ACTR3C: variants seen among roughly 807,000 people sequenced by gnomAD.
ACTR3C encodes actin-related protein 3C.
A neutral mutation model predicts 26.3 loss-of-function variants in ACTR3C; 18 were observed. The observed-to-expected ratio is 0.68, with a 90% CI of 0.47 to 1.01. The LOEUF is 1.01. Ranked by LOEUF, ACTR3C falls within the 50% of genes least tolerant of loss-of-function variation. ACTR3C has a pLI of 0.00. For missense variants in ACTR3C, 184 were observed against 250.7 expected, an observed-to-expected ratio of 0.73 and a Z score of 1.80; for synonymous variants, 55 against 94.5, an observed-to-expected ratio of 0.58 and a Z score of 2.42.
At chr7:150,127,527 C>T in the ACTR3C span, among the ~76,000 whole-genome samples, 2 of 151,674 alleles carry the variant, frequency 1.3e-5, no homozygotes, top group African/African-American at 2.4e-5. Flanking sequence ...TCTGCAGCAG[C>T]GTTTAATTCT....
chr7:150,208,296 G>A, the ACTR3C span, among the ~76,000 whole-genome samples: 1 of 152,150 alleles, frequency 6.6e-6, no homozygotes, highest in African/African-American at 2.4e-5. Flanking sequence ...AAGCAACACG[G>A]AAAGAGAGCT....
At position 150,274,211 on chromosome 7, in the gene ACTR3C, T is replaced by C. The variant is rs568640951; in HGVS notation, c.564+10542A>G. On this transcript the variant is annotated intron_variant, in intron 6 of 7. Coordinates refer to ENST00000683684, the MANE Select transcript of ACTR3C (RefSeq NM_001164458.2). The surrounding 1 kb of genome is among the most constrained non-coding windows in gnomAD (Gnocchi z 4.1). ...GTGGTCAGGACGCCTCACTAGAAGA[T>C]GGCATTTATTGCACTTCGCCCATAA... Among the ~76,000 whole-genome samples the C allele has an allele frequency of 1.6e-4, 24 of 152,252 alleles. No homozygotes were observed. The highest frequency in any genetic ancestry group is 1.2e-3 in the East Asian group (6 of 5,170).
At chr7:150,117,187 GT>G in the ACTR3C span, among the ~76,000 whole-genome samples, 1 of 152,164 alleles carries the variant, frequency 6.6e-6, no homozygotes, top group African/African-American at 2.4e-5. Context: ...AGCTGGAGGA[GT>G]TTTTTATCAT....
the ACTR3C span, among the ~76,000 whole-genome samples, chr7:149,904,975 G>A: frequency 0.46 from 69,529 of 151,370 alleles, 18,712 homozygotes; most frequent in South Asian, 0.73. Context: ...GCAATGAGCC[G>A]AGATCATGCC....
Position 150,279,046 on chromosome 7 carries a change from T to C in ACTR3C, c.564+5707A>G, listed in dbSNP as rs188430045. Among the ~76,000 whole-genome samples the C allele has an allele frequency of 2.2e-4, 34 of 152,338 alleles. No individual in the cohort carries two copies. In the East Asian group the frequency reaches 6.0e-3, roughly 27 times the overall value. On this transcript the variant is annotated intron_variant, in intron 6 of 7. Coordinates refer to ENST00000683684, the MANE Select transcript of ACTR3C (RefSeq NM_001164458.2). ...TAGAGCCGGCGCAGTGGTTCACGCC[T>C]ATAATCCCAGTGCTTTGGGGCTGAG...
At chr7:149,957,550 C>T in the ACTR3C span, among the ~76,000 whole-genome samples, 6 of 152,180 alleles carry the variant, frequency 3.9e-5, no homozygotes, top group Non-Finnish European at 8.8e-5. Context: ...GGCTCTCTGG[C>T]TTTTGGACTC....
chr7:150,040,827 G>A, the ACTR3C span, among the ~76,000 whole-genome samples: 1 of 147,522 alleles, frequency 6.8e-6, no homozygotes, highest in Non-Finnish European at 1.5e-5. Context: ...CTGTGATGGG[G>A]GTCACAAGAG....
chr7:149,896,015 T>A, the ACTR3C span, among the ~76,000 whole-genome samples: 3 of 109,398 alleles, frequency 2.7e-5, no homozygotes, highest in African/African-American at 3.8e-5. Flanking sequence ...CTGGGCAACA[T>A]GGTGAAAACC....
At chr7:150,240,080 T>C (rs1431681408), downstream of ACTR3C, among the ~76,000 whole-genome samples, 1 of 152,212 alleles carries the variant, frequency 6.6e-6, no homozygotes, top group Admixed American at 6.5e-5. Flanking sequence ...TTGTATTCTC[T>C]ATGAGGATGA....
At position 150,250,156 on chromosome 7, in the gene ACTR3C, G is replaced by A. The variant is rs1358958783; in HGVS notation, c.565-1102C>T. ...GTGATTGGATGTTTTTCTAAATGTA[G>A]GTATTTAGTTATTAGAATAAATGAG... On this transcript the variant is annotated intron_variant, in intron 6 of 7. Coordinates refer to ENST00000683684, the MANE Select transcript of ACTR3C (RefSeq NM_001164458.2). 2.0e-5 allele frequency among the ~76,000 whole-genome samples: 3 copies of A among 151,448 alleles called. No individual in the cohort carries two copies. In the East Asian group the frequency reaches 5.8e-4, roughly 29 times the overall value.
At chr7:150,039,287 C>G in the ACTR3C span, among the ~76,000 whole-genome samples, 2 of 148,108 alleles carry the variant, frequency 1.4e-5, no homozygotes, top group Non-Finnish European at 3.0e-5. Flanking sequence ...CCTCCCCCCT[C>G]CTGCGATGGG....
At chr7:150,125,425 G>C in the ACTR3C span, among the ~76,000 whole-genome samples, 12 of 142,536 alleles carry the variant, frequency 8.4e-5, no homozygotes, top group Middle Eastern at 7.0e-3. Context: ...TTCTCTAATA[G>C]AGAGTCTAGA....
chr7:150,189,461 CA>C, the ACTR3C span, among the ~76,000 whole-genome samples: 1 of 150,874 alleles, frequency 6.6e-6, no homozygotes, highest in African/African-American at 2.5e-5. Flanking sequence ...TATATTTTGA[CA>C]AATGGATAAA....
At chr7:149,975,291 A>G in the ACTR3C span, among the ~76,000 whole-genome samples, 1 of 152,228 alleles carries the variant, frequency 6.6e-6, no homozygotes, top group South Asian at 2.1e-4. Flanking sequence ...ACACCCTGAT[A>G]AATTACCAAA....
the ACTR3C span, among the ~76,000 whole-genome samples, chr7:150,029,101 C>A: frequency 4.6e-5 from 7 of 151,888 alleles, no homozygotes; most frequent in African/African-American, 1.7e-4. Flanking sequence ...ATACAAACAC[C>A]TCCACCACAG....
chr7:150,098,859 C>T, the ACTR3C span, among the ~76,000 whole-genome samples: 3 of 151,466 alleles, frequency 2.0e-5, no homozygotes, highest in African/African-American at 4.9e-5. Context: ...AAGGAAATCA[C>T]GTGGATTGCC....
the ACTR3C span, among the ~76,000 whole-genome samples, chr7:150,144,647 A>T: frequency 1.3e-5 from 2 of 152,190 alleles, no homozygotes; most frequent in Non-Finnish European, 2.9e-5. The surrounding 1 kb of genome is among the most constrained non-coding windows in gnomAD (Gnocchi z 4.6). Context: ...TAATCATACC[A>T]TCTCTACAGT....
At chr7:150,043,888 A>G in the ACTR3C span, among the ~76,000 whole-genome samples, 5 of 152,240 alleles carry the variant, frequency 3.3e-5, 1 homozygote, top group Non-Finnish European at 1.5e-5. Flanking sequence ...GGACACATTA[A>G]CAGAATGTTG....
At chr7:150,138,496 C>T in the ACTR3C span, among the ~76,000 whole-genome samples, 1 of 152,234 alleles carries the variant, frequency 6.6e-6, no homozygotes, top group African/African-American at 2.4e-5. Flanking sequence ...CCTCACTTCC[C>T]TTCCAGTGCT....
Sources: gnomAD v4.1 joint callset for allele counts (sites outside exome capture counted in the v4.1 genomes callset) on GRCh38, gnomAD v4.1.1 for gene constraint, Gnocchi (gnomAD v3.1) non-coding constraint, MANE v1.5 for transcripts, NCBI Gene and HGNC (gene_info 2026-07-23, HGNC 2026-07-21) for gene names.